The following FRMD6 variants were observed in gnomAD, a reference collection of about 807,000 sequenced individuals.
FRMD6 encodes FERM domain containing 6.
FRMD6 carries 37 observed loss-of-function variants against 73.2 expected under a neutral mutation model. The observed-to-expected ratio is 0.51, with a 90% CI of 0.39 to 0.66. The LOEUF (loss-of-function observed/expected upper bound fraction) is 0.66, where lower values mean the gene tolerates loss of function less well. Among genes scored for constraint, FRMD6 ranks in the 30% least tolerant of loss-of-function variants. The probability of loss-of-function intolerance (pLI) is 0.00; values close to 1 mark genes in which losing one functional copy is unlikely to be tolerated. For missense variants in FRMD6, 714 were observed against 780.5 expected, an observed-to-expected ratio of 0.91 and a Z score of 1.02; for synonymous variants, 273 against 282.2, an observed-to-expected ratio of 0.97 and a Z score of 0.33.
At chr14:51,502,937 T>C (rs1055231960) in intron 1 of FRMD6, among the ~76,000 whole-genome samples, 3 of 152,176 alleles carry the variant, frequency 2.0e-5, no homozygotes, top group African/African-American at 4.8e-5. Flanking sequence ...TATTCCTAGG[T>C]ATTTTATTCT....
the FRMD6 span, chr14:51,437,041 G>A: frequency 2.0e-6 from 1 of 490,514 alleles, no homozygotes; most frequent in East Asian, 5.2e-5. Flanking sequence ...CAACGTGCAA[G>A]TTTGTTACAT....
chr14:51,410,654 A>G, the FRMD6 span, among the ~76,000 whole-genome samples: 1 of 152,352 alleles, frequency 6.6e-6, no homozygotes, highest in Middle Eastern at 3.4e-3. Flanking sequence ...TTTAGAATAA[A>G]TTAAAATTAC....
intron 2 of FRMD6, among the ~76,000 whole-genome samples, chr14:51,640,964 A>G (rs1166202490): frequency 6.6e-6 from 1 of 152,004 alleles, no homozygotes; most frequent in East Asian, 1.9e-4. Context: ...CTTTATTAAC[A>G]TAACTTTCCT....
intron 1 of FRMD6, among the ~76,000 whole-genome samples, chr14:51,532,405 A>G (rs1332599257): frequency 1.3e-5 from 2 of 150,758 alleles, no homozygotes; most frequent in Admixed American, 6.6e-5. Context: ...TTAAATATGC[A>G]TTTTTCATAT....
chr14:51,723,560 C>T (rs1897751928), intron 12 of FRMD6, among the ~76,000 whole-genome samples: 1 of 151,902 alleles, frequency 6.6e-6, no homozygotes. Flanking sequence ...GTGGGTGGAT[C>T]ACCTGAGGTC....
At chr14:51,445,554 G>A in the FRMD6 span, among the ~76,000 whole-genome samples, 13 of 151,578 alleles carry the variant, frequency 8.6e-5, no homozygotes, top group African/African-American at 2.9e-4. Flanking sequence ...TAGCCAAACC[G>A]CCTGGCTTTG....
At chr14:51,458,045 G>C in the FRMD6 span, among the ~76,000 whole-genome samples, 3 of 152,126 alleles carry the variant, frequency 2.0e-5, no homozygotes, top group Non-Finnish European at 4.4e-5. Context: ...TTGGAATGTG[G>C]GCCAGATAAA....
chr14:51,443,296 G>A, the FRMD6 span, among the ~76,000 whole-genome samples: 1 of 152,196 alleles, frequency 6.6e-6, no homozygotes, highest in Non-Finnish European at 1.5e-5. Context: ...ATGCTAGCCA[G>A]AAGAACTTGA....
the FRMD6 span, among the ~76,000 whole-genome samples, chr14:51,454,309 A>C: frequency 5.3e-5 from 8 of 152,216 alleles, no homozygotes; most frequent in Non-Finnish European, 1.0e-4. Flanking sequence ...GTCCTTTGTA[A>C]ACATTTTGGT....
At chr14:51,647,268 T>A (rs2140061378), upstream of FRMD6, among the ~76,000 whole-genome samples, 1 of 152,330 alleles carries the variant, frequency 6.6e-6, no homozygotes, top group Admixed American at 6.5e-5. Flanking sequence ...TGAGTTAGAT[T>A]GCTACATAAG....
At chr14:51,546,396 C>T (rs1000271641) in intron 1 of FRMD6, among the ~76,000 whole-genome samples, 3 of 129,424 alleles carry the variant, frequency 2.3e-5, no homozygotes, top group South Asian at 2.6e-4. Context: ...AAGAGAAACT[C>T]TTTTTTTTTT....
chr14:51,555,407 C>T (rs1887071654), intron 1 of FRMD6, among the ~76,000 whole-genome samples: 1 of 152,170 alleles, frequency 6.6e-6, no homozygotes, highest in African/African-American at 2.4e-5. Context: ...TTGATTTTCA[C>T]AATTGGGCTA....
intron 1 of FRMD6, among the ~76,000 whole-genome samples, chr14:51,673,984 G>A (rs935213271): frequency 1.3e-5 from 2 of 152,262 alleles, no homozygotes; most frequent in East Asian, 1.9e-4. Context: ...ATACATGGAA[G>A]CTTAGGAAAC....
At chr14:51,420,517 T>G in the FRMD6 span, among the ~76,000 whole-genome samples, 1 of 152,216 alleles carries the variant, frequency 6.6e-6, no homozygotes, top group African/African-American at 2.4e-5. Context: ...AGAATGTTAG[T>G]ACACTTGGCC....
chr14:51,678,781 A>G (rs112585049), intron 1 of FRMD6, among the ~76,000 whole-genome samples: 5 of 121,102 alleles, frequency 4.1e-5, no homozygotes, highest in African/African-American at 1.3e-4. Flanking sequence ...ACAGACCAGC[A>G]TCTTGAGTTT....
chr14:51,537,759 A>G (rs1885977574), intron 1 of FRMD6, among the ~76,000 whole-genome samples: 1 of 152,194 alleles, frequency 6.6e-6, no homozygotes, highest in Admixed American at 6.5e-5. Flanking sequence ...ATAACGTAGG[A>G]TTTTGAACAT....
At chr14:51,569,069 C>A (rs1175360824) in intron 1 of FRMD6, among the ~76,000 whole-genome samples, 1 of 152,078 alleles carries the variant, frequency 6.6e-6, no homozygotes, top group Non-Finnish European at 1.5e-5. Context: ...TGGTCTCGAA[C>A]TCCTGACCTC....
At chr14:51,460,508 G>A in the FRMD6 span, among the ~76,000 whole-genome samples, 20,129 of 152,194 alleles carry the variant, frequency 0.13, 1,511 homozygotes, top group Non-Finnish European at 0.17. Context: ...GTTTCCTTAA[G>A]GTAGTTTCCT....
intron 9 of FRMD6, chr14:51,714,068 T>C: frequency 6.6e-6 from 1 of 152,228 alleles, no homozygotes; most frequent in East Asian, 1.9e-4. Context: ...GAATCTATTT[T>C]GACAAGTTTC....
Sources: gnomAD v4.1 joint callset for allele counts (sites outside exome capture counted in the v4.1 genomes callset) on GRCh38, gnomAD v4.1.1 for gene constraint, MANE v1.5 for transcripts, NCBI Gene and HGNC (gene_info 2026-07-23, HGNC 2026-07-21) for gene names.